Variants in TMEM163 observed in about 807,000 individuals in gnomAD.
TMEM163 encodes the protein transmembrane protein 163.
A neutral mutation model predicts 29.3 loss-of-function variants in TMEM163; 17 were observed. The observed-to-expected ratio is 0.58, with a 90% CI of 0.40 to 0.87. TMEM163 has a LOEUF of 0.87. TMEM163 is among the 40% of genes least tolerant of loss of function. TMEM163 has a pLI of 0.00. For missense variants in TMEM163, 303 were observed against 381.5 expected, an observed-to-expected ratio of 0.79 and a Z score of 1.71; for synonymous variants, 157 against 160.6, an observed-to-expected ratio of 0.98 and a Z score of 0.17.
intron 2 of TMEM163, among the ~76,000 whole-genome samples, chr2:134,709,297 C>T (rs754055805): frequency 6.6e-6 from 1 of 152,112 alleles, no homozygotes; most frequent in South Asian, 2.1e-4. Flanking sequence ...GATGTATTAC[C>T]ATCTGGTTTT....
chr2:134,480,204 C>T (rs1308546394), intron 5 of TMEM163, among the ~76,000 whole-genome samples: 6 of 152,202 alleles, frequency 3.9e-5, no homozygotes, highest in African/African-American at 1.2e-4. Flanking sequence ...AACACTCTCC[C>T]CTTTTCTCAC....
chr2:134,521,350 A>G (rs185031993), intron 4 of TMEM163, among the ~76,000 whole-genome samples: 2 of 152,232 alleles, frequency 1.3e-5, no homozygotes, highest in African/African-American at 4.8e-5. Context: ...GCTCTCAACC[A>G]GGGTCAATTT....
intron 5 of TMEM163, chr2:134,467,446 G>GTAACATGTGT (rs1218393181): frequency 1.3e-5 from 2 of 152,202 alleles, no homozygotes; most frequent in African/African-American, 4.8e-5. Flanking sequence ...GTAACATGTG[G>GTAACATGTGT]CCCCTGATAC....
chr2:134,480,664 G>A (rs1687032236), intron 5 of TMEM163, among the ~76,000 whole-genome samples: 1 of 152,088 alleles, frequency 6.6e-6, no homozygotes, highest in African/African-American at 2.4e-5. Flanking sequence ...CTAGAAAGTG[G>A]TGCAGACAAC....
intron 2 of TMEM163, among the ~76,000 whole-genome samples, chr2:134,676,059 C>T (rs993657160): frequency 4.6e-5 from 7 of 152,054 alleles, no homozygotes; most frequent in Non-Finnish European, 1.0e-4. Context: ...AACTGACCTG[C>T]GACATAAGGT....
intron 2 of TMEM163, among the ~76,000 whole-genome samples, chr2:134,643,690 T>G (rs1029242674): frequency 2.6e-5 from 4 of 151,438 alleles, no homozygotes; most frequent in Non-Finnish European, 5.9e-5. Flanking sequence ...CTTAGGAAAC[T>G]ACAAATAGAA....
At position 134,466,094 on chromosome 2, in the gene TMEM163, G is replaced by C; in HGVS notation, c.667+20C>G. On this transcript the variant is annotated intron_variant, in intron 6 of 7. Coordinates refer to ENST00000281924, the MANE Select transcript of TMEM163 (RefSeq NM_030923.5). ...CTGTGAGCCCAGCCCCCAGAGATTAGGCACCCTGGCCTTACTCACCATCTG... is the reference window on the plus strand; with the variant it reads ...CTGTGAGCCCAGCCCCCAGAGATTACGCACCCTGGCCTTACTCACCATCTG... 2 of 1,582,066 alleles carry C rather than the reference G, an allele frequency of 1.3e-6. No homozygotes were observed. The highest frequency in any genetic ancestry group is 1.3e-5 in the African/African-American group (1 of 74,434).
At chr2:134,617,258 A>C (rs534827523) in intron 2 of TMEM163, among the ~76,000 whole-genome samples, 1 of 152,322 alleles carries the variant, frequency 6.6e-6, no homozygotes, top group South Asian at 2.1e-4. Context: ...GATACACTAA[A>C]ATGCACATTA....
intron 4 of TMEM163, among the ~76,000 whole-genome samples, chr2:134,522,925 T>C (rs1486673946): frequency 6.6e-6 from 1 of 152,204 alleles, no homozygotes. Flanking sequence ...GAGCAGACGT[T>C]GTGATGCCTA....
intron 2 of TMEM163, among the ~76,000 whole-genome samples, chr2:134,579,186 T>C (rs943543324): frequency 2.0e-5 from 3 of 152,150 alleles, no homozygotes; most frequent in African/African-American, 4.8e-5. Context: ...CACTTTTATA[T>C]CTACAAAGGG....
At chr2:134,535,108 T>C (rs1233353558) in intron 4 of TMEM163, among the ~76,000 whole-genome samples, 1 of 152,206 alleles carries the variant, frequency 6.6e-6, no homozygotes, top group East Asian at 1.9e-4. Context: ...AAGAATTACA[T>C]CTATAGAAAC....
intron 2 of TMEM163, among the ~76,000 whole-genome samples, chr2:134,604,229 G>A (rs2104812124): frequency 6.6e-6 from 1 of 152,290 alleles, no homozygotes; most frequent in South Asian, 2.1e-4. Context: ...GCCTGCTGCA[G>A]CACTGTTTAC....
intron 6 of TMEM163, 149 bp downstream of exon 6, chr2:134,465,965 T>C: frequency 1.7e-6 from 1 of 593,250 alleles, no homozygotes; most frequent in Non-Finnish European, 3.0e-6. Context: ...CTGAGAATCA[T>C]TAAACAACTT....
intron 6 of TMEM163, 101 bp downstream of exon 6, chr2:134,466,013 T>C: frequency 1.2e-6 from 1 of 811,380 alleles, no homozygotes; most frequent in South Asian, 1.8e-5. Context: ...TTCCAAATTA[T>C]TGAGTTCTCC....
intron 4 of TMEM163, among the ~76,000 whole-genome samples, chr2:134,543,587 G>A (rs1157515968): frequency 6.6e-6 from 1 of 152,140 alleles, no homozygotes; most frequent in Non-Finnish European, 1.5e-5. Flanking sequence ...TCCAGCTCAG[G>A]CACCAAAAGC....
chr2:134,630,005 C>G (rs927945577), intron 2 of TMEM163, among the ~76,000 whole-genome samples: 7 of 152,196 alleles, frequency 4.6e-5, no homozygotes, highest in African/African-American at 1.7e-4. Context: ...TCAGTATCCA[C>G]AGGCCCTCTG....
intron 2 of TMEM163, among the ~76,000 whole-genome samples, chr2:134,635,355 C>T (rs2104835700): frequency 6.6e-6 from 1 of 152,226 alleles, no homozygotes; most frequent in South Asian, 2.1e-4. Context: ...CCACCCAACT[C>T]CAAAATTGCC....
chr2:134,503,129 C>G (rs780162476), intron 4 of TMEM163, 132 bp from the exon 5 acceptor site: 29 of 781,940 alleles, frequency 3.7e-5, no homozygotes, highest in Middle Eastern at 2.4e-4. Flanking sequence ...CCAGGGTGAC[C>G]ACCCACAGTC....
In TMEM163 at chr2:134,621,912, A is replaced by T. The variant is rs1322169116; in HGVS notation, c.323-69821T>A. Among the ~76,000 whole-genome samples the T allele has an allele frequency of 5.9e-5, 9 of 151,700 alleles. 1 individual carries two copies. In the South Asian group the frequency reaches 1.7e-3, roughly 28 times the overall value. On this transcript the variant is annotated intron_variant, in intron 2 of 7. Coordinates refer to ENST00000281924, the MANE Select transcript of TMEM163 (RefSeq NM_030923.5). ...TCTCAAAAAAATTAAAATAAAAAATAAAAAAAAACTAAACCCAATGTGGTA... is the reference window on the plus strand; with the variant it reads ...TCTCAAAAAAATTAAAATAAAAAATTAAAAAAAACTAAACCCAATGTGGTA...
Sources: gnomAD v4.1 joint callset for allele counts (sites outside exome capture counted in the v4.1 genomes callset) on GRCh38, gnomAD v4.1.1 for gene constraint, MANE v1.5 for transcripts, NCBI Gene and HGNC (gene_info 2026-07-23, HGNC 2026-07-21) for gene names.